Variants in TMEM130 observed in about 807,000 individuals in gnomAD.
TMEM130 encodes transmembrane protein 130.
Under a neutral mutation model 42.9 loss-of-function variants are expected in TMEM130, and 37 were observed. That is an observed-to-expected ratio of 0.86 (90% CI 0.66 to 1.13). The LOEUF is 1.13. Ranked by LOEUF, TMEM130 falls within the 50% of genes most tolerant of loss-of-function variation. The pLI is 0.00. For synonymous variants in TMEM130, 259 were observed against 237.7 expected (o/e 1.09, Z -0.82); for missense variants, 545 against 562.6 (o/e 0.97, Z 0.32).
At position 98,869,850 on chromosome 7, in the gene TMEM130, T is replaced by C; in HGVS notation, c.12A>G (p.Ala4=). 3.6e-6 allele frequency: 5 copies of C among 1,400,954 alleles called. No homozygotes were observed. Among genetic ancestry groups the C allele is most frequent in the Non-Finnish European group, 3.7e-6 (4 of 1,074,222 alleles). The allele number at this position is 1,400,954 out of a possible 1,614,324, so 86.8% of individuals were successfully genotyped here. A position where few individuals can be genotyped will look rare whatever the true frequency, so the allele number is the denominator to read the frequency against. Residue 4 remains alanine (A), a synonymous_variant, in exon 1 of 8, where the codon GCA becomes GCG. Coordinates refer to ENST00000339375, the MANE Select transcript of TMEM130 (RefSeq NM_152913.3). The surrounding 1 kb of genome is among the most constrained non-coding windows in gnomAD (Gnocchi z 4.7). ...GGATGCGGCCGAGGCGCGACCACAC[T>C]GCCTGGGCCATTGCGGGGCCCGGAG... MAQ[A]VWSRLGRILW...
chr7:98,848,324 G>C (rs782660523), intron 7 of TMEM130, 116 bp from the exon 8 acceptor site: 1 of 1,269,032 alleles, frequency 7.9e-7, no homozygotes, highest in Non-Finnish European at 1.1e-6. Context: ...TCAGCTGCCT[G>C]GTGGCAGAGT....
chr7:98,847,541 TGG>T lies in TMEM130; in HGVS notation c.*513_*514del, dbSNP rs1794385762. 1.3e-5 allele frequency: 2 copies of T among 149,248 alleles called. No individual in the cohort carries two copies. The highest frequency in any genetic ancestry group is 5.0e-5 in the African/African-American group (2 of 40,200). The allele number at this position is 149,248 out of a possible 1,614,324, so 9.2% of individuals were successfully genotyped here. ...GTGTGTGTGTGTGTGTGTGTGTGTG[TGG>T]TGTGTGTACATGCACACTTCTCTCT... On this transcript the variant is annotated 3_prime_UTR_variant, in exon 8 of 8. Transcript: ENST00000339375.
intron 1 of TMEM130, chr7:98,866,245 T>G (rs1751014148): frequency 6.6e-6 from 1 of 151,940 alleles, no homozygotes; most frequent in African/African-American, 2.4e-5. Context: ...TGGGAGATGG[T>G]GGTTGCCGTG....
At chr7:98,850,100 AGTGC>A in intron 6 of TMEM130, among the ~76,000 whole-genome samples, 1 of 150,268 alleles carries the variant, frequency 6.7e-6, no homozygotes, top group African/African-American at 2.4e-5. Flanking sequence ...CTCAGGCTGG[AGTGC>A]TGTGGTGTGA....
chr7:98,852,117 T>TTTAAC (rs1351028691), intron 5 of TMEM130, among the ~76,000 whole-genome samples: 1 of 151,632 alleles, frequency 6.6e-6, no homozygotes, highest in African/African-American at 2.4e-5. Flanking sequence ...CAACTAATTT[T>TTTAAC]TTAATTTAAT....
intron 1 of TMEM130, among the ~76,000 whole-genome samples, chr7:98,865,565 G>A (rs1022825306): frequency 5.3e-5 from 8 of 152,112 alleles, no homozygotes; most frequent in East Asian, 1.9e-4. Flanking sequence ...CCAAGATTGC[G>A]CCACTGCACT....
At chr7:98,856,779 G>A (rs1300132566) in intron 3 of TMEM130, among the ~76,000 whole-genome samples, 1 of 152,214 alleles carries the variant, frequency 6.6e-6, no homozygotes, top group African/African-American at 2.4e-5. Context: ...TTATAGGCAT[G>A]AGCCACTGTG....
Position 98,860,256 on chromosome 7 carries a change from T to C in TMEM130, c.474A>G (p.Lys158=), listed in dbSNP as rs1238798480. 6.2e-7 allele frequency: 1 copy of C among 1,613,894 alleles called. No homozygotes were observed. Among genetic ancestry groups the C allele is most frequent in the African/African-American group, 1.3e-5 (1 of 74,978 alleles). ...TCGGGTCGTGGAGGAGGAAGGAGACTTTCAGGACGGTCTTAGTGAGATAGG... is the reference window on the plus strand; with the variant it reads ...TCGGGTCGTGGAGGAGGAAGGAGACCTTCAGGACGGTCTTAGTGAGATAGG... ...PSSYLTKTVL[K]VSFLLHDPSN... The change falls in exon 3 of 8, where the codon AAA becomes AAG. Residue 158 remains lysine (K), a synonymous_variant. Coordinates refer to ENST00000339375, the MANE Select transcript of TMEM130 (RefSeq NM_152913.3).
At position 98,869,706 on chromosome 7, in the gene TMEM130, C is replaced by G. The variant is rs1554401075; in HGVS notation, c.85+71G>C. 2 of 1,160,646 alleles carry G rather than the reference C, an allele frequency of 1.7e-6. No homozygotes were observed. Among genetic ancestry groups the G allele is most frequent in the African/African-American group, 1.6e-5 (1 of 61,802 alleles). The allele number at this position is 1,160,646 out of a possible 1,614,324, so 71.9% of individuals were successfully genotyped here. On this transcript the variant is annotated intron_variant, in intron 1 of 7. Transcript: ENST00000339375. The surrounding 1 kb of genome is among the most constrained non-coding windows in gnomAD (Gnocchi z 4.7). Reference sequence around the variant, plus strand: ...CGCAATCCCTGCTCCCGGGCCCACTCGCCCGCTGAGACGGTTCCAGGCCCC... The same window carrying G: ...CGCAATCCCTGCTCCCGGGCCCACTGGCCCGCTGAGACGGTTCCAGGCCCC...
intron 1 of TMEM130, among the ~76,000 whole-genome samples, chr7:98,868,265 A>G (rs937732920): frequency 1.3e-5 from 2 of 152,322 alleles, no homozygotes; most frequent in Non-Finnish European, 2.9e-5. Context: ...TTGGGAGTCC[A>G]TGTGACATGG....
chr7:98,856,132 G>A lies in TMEM130; in HGVS notation c.603C>T (p.Ile201=), dbSNP rs142720061. ...CTTTGAGCTTCACGGTGAAGGTCCC[G>A]ATGATGGAATAGTTATAATAGACCA... is the stretch of plus-strand genomic sequence containing the variant. ...DSVVYYNYSI[I]GTFTVKLKVV... Residue 201 remains isoleucine, a synonymous_variant, in exon 4 of 8, where the codon ATC becomes ATT. Coordinates refer to ENST00000339375, the MANE Select transcript of TMEM130 (RefSeq NM_152913.3). 80 of 1,613,984 alleles carry A rather than the reference G, an allele frequency of 5.0e-5. No individual in the cohort carries two copies. The Middle Eastern group carries it at 6.6e-4, about 13-fold the overall frequency.
chr7:98,848,985 G>A (rs1167776969), intron 6 of TMEM130, among the ~76,000 whole-genome samples: 1 of 152,166 alleles, frequency 6.6e-6, no homozygotes, highest in Non-Finnish European at 1.5e-5. Context: ...GCTGGACTCA[G>A]CGACCAGCTC....
chr7:98,863,915 G>A (rs73147848), intron 1 of TMEM130, among the ~76,000 whole-genome samples: 4,150 of 113,074 alleles, frequency 0.037, 83 homozygotes, highest in Middle Eastern at 0.068. Flanking sequence ...TCTCCCTTTC[G>A]TTCTCTGGAT....
At chr7:98,852,719 C>T (rs1216274661) in intron 5 of TMEM130, among the ~76,000 whole-genome samples, 1 of 152,040 alleles carries the variant, frequency 6.6e-6, no homozygotes, top group Non-Finnish European at 1.5e-5. Flanking sequence ...CTCAGCCTCC[C>T]AAGTAGCTGG....
At chr7:98,849,372 G>A (rs1554397877) in intron 6 of TMEM130, among the ~76,000 whole-genome samples, 1 of 152,188 alleles carries the variant, frequency 6.6e-6, no homozygotes, top group African/African-American at 2.4e-5. Flanking sequence ...ATCAGGAAGT[G>A]TGGGTTCCCT....
chr7:98,848,236 A>T, intron 7 of TMEM130, 28 bp from the exon 8 acceptor site: 1 of 1,613,636 alleles, frequency 6.2e-7, no homozygotes, highest in Non-Finnish European at 8.5e-7. Context: ...AAAAGTCAAA[A>T]TCAGCCACCT....
In TMEM130 at chr7:98,847,927, A is replaced by G; in HGVS notation, c.*129T>C. Reference sequence around the variant, plus strand: ...TTGTGGCAGTGGCTGAACTGTACAGATGGATGGATGATCCAGGCCAACAGC... The same window carrying G: ...TTGTGGCAGTGGCTGAACTGTACAGGTGGATGGATGATCCAGGCCAACAGC... On this transcript the variant is annotated 3_prime_UTR_variant, in exon 8 of 8. Transcript: ENST00000339375. 1 of 873,440 alleles carries G rather than the reference A, an allele frequency of 1.1e-6. No individual in the cohort carries two copies. The highest frequency in any genetic ancestry group is 1.8e-6 in the Non-Finnish European group (1 of 556,216). The allele number at this position is 873,440 out of a possible 1,614,324, so 54.1% of individuals were successfully genotyped here. A position where few individuals can be genotyped will look rare whatever the true frequency, so the allele number is the denominator to read the frequency against.
At chr7:98,862,487 C>CTT (rs57165730) in intron 2 of TMEM130, among the ~76,000 whole-genome samples, 834 of 65,782 alleles carry the variant, frequency 0.013, 148 homozygotes, top group African/African-American at 0.043. Flanking sequence ...ACAATAATTT[C>CTT]TTTTTTTTTT....
intron 1 of TMEM130, among the ~76,000 whole-genome samples, chr7:98,868,010 C>T (rs1794947191): frequency 6.6e-6 from 1 of 152,236 alleles, no homozygotes; most frequent in Admixed American, 6.5e-5. Flanking sequence ...AGGTGGATCA[C>T]CTGAGGCCAG....
Sources: allele counts gnomAD v4.1 joint callset (sites outside exome capture counted in the v4.1 genomes callset), GRCh38; gene constraint gnomAD v4.1.1; non-coding constraint Gnocchi (gnomAD v3.1); transcripts MANE v1.5; gene names NCBI Gene and HGNC (gene_info 2026-07-23, HGNC 2026-07-21).